The following CSMD1 variants were observed in gnomAD, a reference collection of about 807,000 sequenced individuals.
The protein encoded by CSMD1 is CUB and Sushi multiple domains 1.
CSMD1 carries 213 observed loss-of-function variants against 417.5 expected under a neutral mutation model. That is an observed-to-expected ratio of 0.51 (90% CI 0.46 to 0.57). CSMD1 has a LOEUF of 0.57. Among genes scored for constraint, CSMD1 ranks in the 20% least tolerant of loss-of-function variants. The probability of loss-of-function intolerance (pLI) is 0.00; values close to 1 mark genes in which losing one functional copy is unlikely to be tolerated. For synonymous variants in CSMD1, 2,862 were observed against 1,736.8 expected, an observed-to-expected ratio of 1.65 and a Z score of -16.11; for missense variants, 6,923 against 4,529.7, an observed-to-expected ratio of 1.53 and a Z score of -15.17.
intron 10 of CSMD1, among the ~76,000 whole-genome samples, chr8:3,552,538 G>A (rs949205277): frequency 2.6e-5 from 4 of 152,110 alleles, no homozygotes; most frequent in Non-Finnish European, 4.4e-5. Flanking sequence ...TTTTGAATTG[G>A]ATTAGCCAAG....
chr8:3,449,003 C>T (rs540527488), intron 12 of CSMD1, among the ~76,000 whole-genome samples: 6 of 152,144 alleles, frequency 3.9e-5, no homozygotes, highest in Admixed American at 2.0e-4. Context: ...AAACAGAAAT[C>T]AAACACGTAT....
At chr8:3,308,155 C>A (rs532258499) in intron 24 of CSMD1, among the ~76,000 whole-genome samples, 157 bp downstream of exon 24, 1 of 151,652 alleles carries the variant, frequency 6.6e-6, no homozygotes, top group Non-Finnish European at 1.5e-5. Context: ...TGAAAACACA[C>A]ACTCACAGAC....
intron 6 of CSMD1, among the ~76,000 whole-genome samples, chr8:3,738,927 C>A (rs1263824482): frequency 6.6e-6 from 1 of 152,118 alleles, no homozygotes; most frequent in Non-Finnish European, 1.5e-5. Flanking sequence ...TTCCCTCTGT[C>A]CTTGCTGAAT....
intron 41 of CSMD1, among the ~76,000 whole-genome samples, chr8:3,131,085 A>C (rs752367339): frequency 2.7e-5 from 4 of 150,308 alleles, no homozygotes; most frequent in Non-Finnish European, 6.0e-5. Flanking sequence ...TTCTCAAACT[A>C]ATGTCTTACT....
chr8:3,971,269 G>A (rs574279087), intron 5 of CSMD1, among the ~76,000 whole-genome samples: 5 of 152,278 alleles, frequency 3.3e-5, no homozygotes, highest in African/African-American at 1.2e-4. Context: ...TCTCTGCACT[G>A]TGATTTCTAT....
At chr8:3,423,047 A>G (rs933187366) in intron 12 of CSMD1, among the ~76,000 whole-genome samples, 2 of 152,228 alleles carry the variant, frequency 1.3e-5, no homozygotes, top group Non-Finnish European at 2.9e-5. Flanking sequence ...CAGCTAGTCG[A>G]GTTGTACAGT....
At chr8:3,361,651 C>CAAAAAAAAA (rs765648287) in intron 20 of CSMD1, among the ~76,000 whole-genome samples, 2 of 79,202 alleles carry the variant, frequency 2.5e-5, no homozygotes, top group Admixed American at 1.8e-4. Flanking sequence ...GATTCCATCT[C>CAAAAAAAAA]AAAAAAAAAA....
At chr8:3,919,363 G>A (rs1178855419) in intron 5 of CSMD1, among the ~76,000 whole-genome samples, 4 of 152,004 alleles carry the variant, frequency 2.6e-5, no homozygotes, top group Non-Finnish European at 4.4e-5. Flanking sequence ...GACATACTCA[G>A]TTGTCTCAAT....
At chr8:4,309,853 C>A (rs906702610) in intron 3 of CSMD1, among the ~76,000 whole-genome samples, 1 of 152,172 alleles carries the variant, frequency 6.6e-6, no homozygotes, top group African/African-American at 2.4e-5. Context: ...AGTATTTTCT[C>A]TGCAGACACT....
intron 1 of CSMD1, among the ~76,000 whole-genome samples, chr8:4,701,867 A>G (rs1030362141): frequency 6.6e-6 from 1 of 152,236 alleles, no homozygotes; most frequent in Non-Finnish European, 1.5e-5. Context: ...CAACAGATGC[A>G]TCAATGATAG....
chr8:4,406,147 C>G (rs1805002766), intron 3 of CSMD1, among the ~76,000 whole-genome samples: 1 of 152,172 alleles, frequency 6.6e-6, no homozygotes, highest in Non-Finnish European at 1.5e-5. Context: ...TGAGCATAAT[C>G]GTGCACACAT....
chr8:3,930,778 C>A (rs1851593), intron 5 of CSMD1, among the ~76,000 whole-genome samples: 44,281 of 150,040 alleles, frequency 0.3, 9,115 homozygotes, highest in African/African-American at 0.49. Flanking sequence ...AGGGAACAAG[C>A]ATTTCTAACA....
At chr8:4,331,371 G>C (rs375196982) in intron 3 of CSMD1, among the ~76,000 whole-genome samples, 1 of 152,242 alleles carries the variant, frequency 6.6e-6, no homozygotes, top group Non-Finnish European at 1.5e-5. Flanking sequence ...CCTGTCACGT[G>C]TGTTTGTTGC....
chr8:3,943,444 C>G (rs1326578664), intron 5 of CSMD1, among the ~76,000 whole-genome samples: 2 of 134,926 alleles, frequency 1.5e-5, no homozygotes, highest in East Asian at 2.2e-4. Context: ...AAACAGAATT[C>G]CAGCAATTGT....
intron 3 of CSMD1, among the ~76,000 whole-genome samples, chr8:4,094,200 T>G (rs755849604): frequency 3.9e-5 from 6 of 151,992 alleles, no homozygotes; most frequent in Admixed American, 1.3e-4. Context: ...CAAACCTGGG[T>G]GTGAGCTTGG....
At chr8:3,132,957 G>T (rs760923785) in intron 41 of CSMD1, among the ~76,000 whole-genome samples, 13 of 152,176 alleles carry the variant, frequency 8.5e-5, no homozygotes, top group Non-Finnish European at 1.8e-4. Flanking sequence ...AGGTCTACAA[G>T]AAGGCTGAGG....
chr8:4,245,355 A>C (rs1632347), intron 3 of CSMD1, among the ~76,000 whole-genome samples: 1 of 152,018 alleles, frequency 6.6e-6, no homozygotes, highest in African/African-American at 2.4e-5. Flanking sequence ...GGTGGGAGGA[A>C]AGATTGCAAG....
At chr8:4,224,494 T>C (rs1323572332) in intron 3 of CSMD1, among the ~76,000 whole-genome samples, 1 of 152,120 alleles carries the variant, frequency 6.6e-6, no homozygotes, top group African/African-American at 2.4e-5. Context: ...ACACTCTCAG[T>C]TCAGTGTCTA....
chr8:4,566,257 G>C (rs1798600081), intron 2 of CSMD1, among the ~76,000 whole-genome samples: 1 of 152,094 alleles, frequency 6.6e-6, no homozygotes. Context: ...TAAAACACTG[G>C]TACCTGGCAC....
Sources: gnomAD v4.1 joint callset for allele counts (sites outside exome capture counted in the v4.1 genomes callset) on GRCh38, gnomAD v4.1.1 for gene constraint, MANE v1.5 for transcripts, NCBI Gene and HGNC (gene_info 2026-07-23, HGNC 2026-07-21) for gene names.